The following VGLL4 variants were observed in gnomAD, a reference collection of about 807,000 sequenced individuals.
VGLL4 encodes the protein vestigial like family member 4, also known as transcription cofactor vestigial-like protein 4.
VGLL4 carries 7 observed loss-of-function variants against 21.0 expected under a neutral mutation model. The ratio of observed to expected loss-of-function variants is 0.33; its 90% confidence interval spans 0.19 to 0.63. The LOEUF is 0.63. VGLL4 is among the 20% of genes least tolerant of loss of function. VGLL4 has a pLI of 0.78. For synonymous variants in VGLL4, 222 were observed against 173.2 expected, an observed-to-expected ratio of 1.28 and a Z score of -2.21; for missense variants, 394 against 425.7, an observed-to-expected ratio of 0.93 and a Z score of 0.66.
intron 1 of VGLL4, among the ~76,000 whole-genome samples, chr3:11,706,207 G>A (rs914121461): frequency 6.6e-6 from 1 of 152,164 alleles, no homozygotes; most frequent in African/African-American, 2.4e-5. Context: ...TTATACAGAT[G>A]CTATGAAATC....
intron 2 of VGLL4, among the ~76,000 whole-genome samples, chr3:11,579,775 G>C (rs532761669): frequency 4.6e-5 from 7 of 152,150 alleles, no homozygotes; most frequent in African/African-American, 1.2e-4. Flanking sequence ...GATGGTAATG[G>C]TGACTCTTCA....
chr3:11,574,785 ATGTGTGTGTGTGTGTGTGTGTGTG>A (rs375691226), intron 2 of VGLL4, among the ~76,000 whole-genome samples: 82 of 121,780 alleles, frequency 6.7e-4, no homozygotes, highest in South Asian at 3.3e-3. Context: ...TCAACTATAT[ATGTGTGTGTGTGTGTGTGTGTGTG>A]TGTGTGTGTG....
chr3:11,558,679 G>A lies in VGLL4; in HGVS notation c.768C>T (p.Leu256=). Residue 256 remains leucine, a synonymous_variant, in exon 5 of 5, where the codon CTC becomes CTT. Transcript: ENST00000430365. ...HFAKALGDTW[L]QIKAAKDGAS... is the part of the protein sequence containing the mutation. ...CTCCGTCCTTGGCCGCTTTGATCTG[G>A]AGCCACGTGTCACCCAGAGCTTTGG... is the stretch of plus-strand genomic sequence containing the variant. 1 of 1,613,724 alleles carries A rather than the reference G, an allele frequency of 6.2e-7. No homozygotes were observed. The highest frequency in any genetic ancestry group is 8.5e-7 in the Non-Finnish European group (1 of 1,180,022).
chr3:11,637,360 A>G (rs974547367), intron 1 of VGLL4, among the ~76,000 whole-genome samples: 1 of 147,480 alleles, frequency 6.8e-6, no homozygotes, highest in East Asian at 2.0e-4. Context: ...TAAATGTTTA[A>G]TAACAGAATG....
chr3:11,711,524 G>A (rs1360291102), intron 1 of VGLL4, among the ~76,000 whole-genome samples: 5 of 150,176 alleles, frequency 3.3e-5, no homozygotes, highest in Admixed American at 2.0e-4. Flanking sequence ...CCGAGGTTGC[G>A]CCACTGCACC....
intron 2 of VGLL4, among the ~76,000 whole-genome samples, chr3:11,679,072 G>A (rs2076335469): frequency 6.6e-6 from 1 of 152,120 alleles, no homozygotes; most frequent in Admixed American, 6.5e-5. Flanking sequence ...CCCTGTTATT[G>A]GTTTATGTAT....
At chr3:11,613,754 C>T (rs1056448828) in intron 1 of VGLL4, among the ~76,000 whole-genome samples, 5 of 152,214 alleles carry the variant, frequency 3.3e-5, no homozygotes, top group Non-Finnish European at 2.9e-5. Context: ...AAGGTCCCAG[C>T]CCAGAACAGG....
chr3:11,642,678 C>T (rs1356331601), intron 1 of VGLL4, among the ~76,000 whole-genome samples: 3 of 152,216 alleles, frequency 2.0e-5, no homozygotes, highest in Non-Finnish European at 4.4e-5. Flanking sequence ...CTGACTGCTA[C>T]CAGAGACAGT....
upstream of VGLL4, among the ~76,000 whole-genome samples, chr3:11,648,055 A>C (rs76822438): frequency 0.018 from 2,690 of 152,288 alleles, 86 homozygotes; most frequent in African/African-American, 0.062. Flanking sequence ...ATATATTCAT[A>C]ATTAAAGTAG....
Position 11,564,793 on chromosome 3 carries a change from C to A in VGLL4, c.495+4G>T. 2 of 1,546,524 alleles carry A rather than the reference C, an allele frequency of 1.3e-6. No homozygotes were observed. Among genetic ancestry groups the A allele is most frequent in the Non-Finnish European group, 1.7e-6 (2 of 1,150,358 alleles). ...CCACGCCACCCTCCCAGACAGAGGCCCACCTGCTGCCGCTCCCCCGGGGTC... is the reference window on the plus strand; with the variant it reads ...CCACGCCACCCTCCCAGACAGAGGCACACCTGCTGCCGCTCCCCCGGGGTC... On this transcript the variant is annotated splice_donor_region_variant and intron_variant, in intron 3 of 4. Coordinates refer to ENST00000430365, the MANE Select transcript of VGLL4 (RefSeq NM_001128219.3).
chr3:11,676,000 C>T (rs2076283114), intron 2 of VGLL4, among the ~76,000 whole-genome samples: 1 of 152,174 alleles, frequency 6.6e-6, no homozygotes, highest in Admixed American at 6.5e-5. Flanking sequence ...TTTACTCTCA[C>T]TTTATCTTAG....
intron 2 of VGLL4, among the ~76,000 whole-genome samples, chr3:11,581,691 T>G (rs1427196735): frequency 6.6e-6 from 1 of 152,164 alleles, no homozygotes; most frequent in Non-Finnish European, 1.5e-5. Flanking sequence ...CAAGTACAAT[T>G]TCCATGGAGA....
chr3:11,699,968 G>A (rs1014133375), intron 2 of VGLL4, among the ~76,000 whole-genome samples: 2 of 152,150 alleles, frequency 1.3e-5, no homozygotes, highest in Non-Finnish European at 2.9e-5. Context: ...TAGCAGTATC[G>A]TTTTGTTTCT....
At chr3:11,638,743 T>A (rs1397738699) in intron 1 of VGLL4, among the ~76,000 whole-genome samples, 1 of 152,114 alleles carries the variant, frequency 6.6e-6, no homozygotes, top group African/African-American at 2.4e-5. Flanking sequence ...CCTTTTCACC[T>A]ACCCAAGCCT....
chr3:11,703,706 A>C (rs998427206), intron 1 of VGLL4, among the ~76,000 whole-genome samples: 4 of 152,184 alleles, frequency 2.6e-5, no homozygotes, highest in African/African-American at 9.7e-5. Context: ...AGCCCTGGAA[A>C]ACCAGAATGC....
chr3:11,678,290 A>G (rs1350779480), intron 2 of VGLL4, among the ~76,000 whole-genome samples: 2 of 152,090 alleles, frequency 1.3e-5, no homozygotes, highest in African/African-American at 4.8e-5. Context: ...TCCTGACCTA[A>G]AATGATGCAT....
chr3:11,616,149 G>A (rs1303514266), intron 1 of VGLL4, among the ~76,000 whole-genome samples: 1 of 138,568 alleles, frequency 7.2e-6, no homozygotes, highest in African/African-American at 2.6e-5. Context: ...TCCCTCCCCC[G>A]CCCCTCAGAC....
chr3:11,603,976 T>C (rs1387078529), intron 1 of VGLL4, among the ~76,000 whole-genome samples: 1 of 152,262 alleles, frequency 6.6e-6, no homozygotes. Context: ...CGTGCTTGTT[T>C]GCATTTTTAA....
At position 11,558,953 on chromosome 3, in the gene VGLL4, G is replaced by A. The variant is rs776025801; in HGVS notation, c.620-126C>T. 8.2e-5 allele frequency: 95 copies of A among 1,163,212 alleles called. 1 individual carries two copies. Among genetic ancestry groups the A allele is most frequent in the Middle Eastern group, 5.9e-4 (2 of 3,412 alleles). The allele number at this position is 1,163,212 out of a possible 1,614,324, so 72.1% of individuals were successfully genotyped here. A position where few individuals can be genotyped will look rare whatever the true frequency, so the allele number is the denominator to read the frequency against. On this transcript the variant is annotated intron_variant, in intron 4 of 4. Coordinates refer to ENST00000430365, the MANE Select transcript of VGLL4 (RefSeq NM_001128219.3). ...TGCCACGGTCAGCGTGGGCTCTGCA[G>A]ACAGAACCCACCTCCCCCGGCTAAG...
Sources: allele counts gnomAD v4.1 joint callset (sites outside exome capture counted in the v4.1 genomes callset), GRCh38; gene constraint gnomAD v4.1.1; transcripts MANE v1.5; gene names NCBI Gene and HGNC (gene_info 2026-07-23, HGNC 2026-07-21).